The following UNC5D variants were observed in gnomAD, a reference collection of about 807,000 sequenced individuals.
UNC5D encodes netrin receptor UNC5D.
A neutral mutation model predicts 105.4 loss-of-function variants in UNC5D; 39 were observed. That is an observed-to-expected ratio of 0.37 (90% CI 0.29 to 0.48). The LOEUF is 0.48. Among genes scored for constraint, UNC5D ranks in the 20% least tolerant of loss-of-function variants. The pLI is 0.98. For missense variants in UNC5D, 991 were observed against 1,202.4 expected, an observed-to-expected ratio of 0.82 and a Z score of 2.60; for synonymous variants, 452 against 450.4, an observed-to-expected ratio of 1.00 and a Z score of -0.04.
intron 4 of UNC5D, among the ~76,000 whole-genome samples, chr8:35,655,781 G>A (rs771887658): frequency 2.0e-5 from 3 of 152,176 alleles, no homozygotes; most frequent in Admixed American, 1.3e-4. Flanking sequence ...ACAGTATGGT[G>A]TGGGCAAGAG....
intron 4 of UNC5D, among the ~76,000 whole-genome samples, chr8:35,641,387 A>AAAAAAAAAAAAAAAAAAAAAAAAG (rs1563621898): frequency 2.2e-5 from 3 of 139,372 alleles, no homozygotes; most frequent in Non-Finnish European, 3.1e-5. Flanking sequence ...AAAAAAAAAG[A>AAAAAAAAAAAAAAAAAAAAAAAAG]AAAAAAAAAA....
Position 35,713,939 on chromosome 8 carries a change from GA to G in UNC5D, c.1117+7980del, listed in dbSNP as rs140510114. 5.9e-3 allele frequency among the ~76,000 whole-genome samples: 902 copies of G among 152,356 alleles called. 7 individuals are homozygous for G. Among genetic ancestry groups the G allele is most frequent in the African/African-American group, 0.021 (853 of 41,578 alleles). The stretch of plus-strand genomic sequence containing the variant: ...ACGTGAAGTGTCTTGAGCAGTGAAA[GA>G]AGTCCACCCAGAGTGGATCCAGTCC... On this transcript the variant is annotated intron_variant, in intron 8 of 16. Coordinates refer to ENST00000404895, the MANE Select transcript of UNC5D (RefSeq NM_080872.4).
chr8:35,385,995 C>G (rs7003900), intron 1 of UNC5D, among the ~76,000 whole-genome samples: 3,572 of 152,186 alleles, frequency 0.023, 143 homozygotes, highest in African/African-American at 0.082. Context: ...TAATTGATTT[C>G]CCTTCTTAAT....
At chr8:35,603,393 C>G (rs1292266918) in intron 4 of UNC5D, among the ~76,000 whole-genome samples, 1 of 152,160 alleles carries the variant, frequency 6.6e-6, no homozygotes, top group African/African-American at 2.4e-5. Flanking sequence ...TTTGATTGCA[C>G]TGTTATCTGA....
chr8:35,366,961 G>A (rs1181548619), intron 1 of UNC5D, among the ~76,000 whole-genome samples: 1 of 152,136 alleles, frequency 6.6e-6, no homozygotes, highest in South Asian at 2.1e-4. Context: ...AGTGGGATAC[G>A]ATTAATAATG....
Position 35,604,201 on chromosome 8 carries a change from T to G in UNC5D, c.570+8544T>G, listed in dbSNP as rs186310172. 7.5e-3 allele frequency among the ~76,000 whole-genome samples: 1,137 copies of G among 152,298 alleles called. 18 individuals carry two copies. The highest frequency in any genetic ancestry group is 0.026 in the African/African-American group (1,082 of 41,556). On this transcript the variant is annotated intron_variant, in intron 4 of 16. Transcript: ENST00000404895. ...TGGTACCGGTTGTTCCTTTCCATGT[T>G]TAGTGCTTCATTCAGGAGCTCTTTT... is the stretch of plus-strand genomic sequence containing the variant.
intron 11 of UNC5D, among the ~76,000 whole-genome samples, chr8:35,740,555 G>A (rs1829707798): frequency 1.3e-5 from 2 of 152,140 alleles, no homozygotes; most frequent in South Asian, 4.1e-4. Flanking sequence ...GTAATGGGAA[G>A]CTAATACAAG....
chr8:35,735,247 G>A (rs1436930001), intron 11 of UNC5D, among the ~76,000 whole-genome samples: 3 of 83,834 alleles, frequency 3.6e-5, no homozygotes, highest in Admixed American at 1.4e-4. Flanking sequence ...CCCCGCCCCC[G>A]ACCCCATGGT....
chr8:35,546,482 G>A (rs1397920426), intron 1 of UNC5D, among the ~76,000 whole-genome samples: 1 of 152,168 alleles, frequency 6.6e-6, no homozygotes, highest in Non-Finnish European at 1.5e-5. Flanking sequence ...TAAAGGAAAA[G>A]TGCATCATTC....
At chr8:35,330,791 C>T (rs956800840) in intron 1 of UNC5D, among the ~76,000 whole-genome samples, 3 of 152,122 alleles carry the variant, frequency 2.0e-5, no homozygotes, top group African/African-American at 7.2e-5. Context: ...TGACAGGCCT[C>T]CTTAATGCGC....
chr8:35,271,367 ACG>A (rs1162637667), intron 1 of UNC5D, among the ~76,000 whole-genome samples: 52 of 127,342 alleles, frequency 4.1e-4, no homozygotes, highest in African/African-American at 7.4e-4. Flanking sequence ...ACACACGTGC[ACG>A]TGTGTATGTA....
intron 10 of UNC5D, among the ~76,000 whole-genome samples, chr8:35,728,091 AAAAAATAT>A (rs1352106151): frequency 6.9e-4 from 89 of 128,964 alleles, no homozygotes; most frequent in African/African-American, 3.3e-3. Flanking sequence ...AAAAAAAAAA[AAAAAATAT>A]ATATATATAT....
intron 1 of UNC5D, among the ~76,000 whole-genome samples, chr8:35,505,677 C>T (rs1812263439): frequency 6.6e-6 from 1 of 152,214 alleles, no homozygotes; most frequent in South Asian, 2.1e-4. Flanking sequence ...ATCAGCATTA[C>T]TGCAAAATTA....
At chr8:35,368,197 A>G (rs1052557169) in intron 1 of UNC5D, among the ~76,000 whole-genome samples, 2 of 152,188 alleles carry the variant, frequency 1.3e-5, no homozygotes, top group African/African-American at 4.8e-5. Context: ...GTTTTTCTCA[A>G]TTTTACTTTG....
In UNC5D at chr8:35,737,252, CTGTGTGTGTGTGTG is replaced by C. The variant is rs369792188; in HGVS notation, c.1766+6192_1766+6205del. On this transcript the variant is annotated intron_variant, in intron 11 of 16. Transcript: ENST00000404895. The stretch of plus-strand genomic sequence containing the variant: ...GGGGAGAAACTTGGCAAGATCTGCT[CTGTGTGTGTGTGTG>C]TGTGTGTGTGTGTGTGTGTGTGTGT... Among the ~76,000 whole-genome samples, 229 of 119,882 alleles carry C rather than the reference CTGTGTGTGTGTGTG, an allele frequency of 1.9e-3. 3 individuals are homozygous for C. Among genetic ancestry groups the C allele is most frequent in the Middle Eastern group, 3.9e-3 (1 of 256 alleles). 78.6% of individuals were successfully genotyped at this position (119,882 alleles called of 152,430 possible).
intron 1 of UNC5D, among the ~76,000 whole-genome samples, chr8:35,267,876 TGTG>T (rs1804997962): frequency 6.6e-6 from 1 of 152,228 alleles, no homozygotes; most frequent in African/African-American, 2.4e-5. Flanking sequence ...TGACCTTTTC[TGTG>T]GTGGCAAGTG....
At chr8:35,431,515 C>CA (rs1309408595) in intron 1 of UNC5D, among the ~76,000 whole-genome samples, 1 of 151,964 alleles carries the variant, frequency 6.6e-6, no homozygotes, top group Non-Finnish European at 1.5e-5. Flanking sequence ...TCTAGGACTT[C>CA]AAAAAACCAA....
chr8:35,508,096 A>G (rs1812456176), intron 1 of UNC5D, among the ~76,000 whole-genome samples: 1 of 152,120 alleles, frequency 6.6e-6, no homozygotes, highest in African/African-American at 2.4e-5. Flanking sequence ...TGTTCAGGAA[A>G]ATGAATGTAA....
intron 1 of UNC5D, chr8:35,544,453 C>T: frequency 1.2e-6 from 2 of 1,613,774 alleles, no homozygotes; most frequent in Non-Finnish European, 1.7e-6. Context: ...GGTGGATGAT[C>T]CTGGTGTTAG....
Sources: gnomAD v4.1 joint callset for allele counts (sites outside exome capture counted in the v4.1 genomes callset) on GRCh38, gnomAD v4.1.1 for gene constraint, MANE v1.5 for transcripts, NCBI Gene and HGNC (gene_info 2026-07-23, HGNC 2026-07-21) for gene names.